Variants in U2SURP observed in about 807,000 individuals in gnomAD.
U2SURP encodes U2 snRNP-associated SURP motif-containing protein.
A neutral mutation model predicts 144.9 loss-of-function variants in U2SURP; 9 were observed. The ratio of observed to expected loss-of-function variants is 0.06; its 90% CI spans 0.04 to 0.11. The LOEUF (loss-of-function observed/expected upper bound fraction) is 0.11. Among genes scored for constraint, U2SURP ranks in the 10% least tolerant of loss-of-function variants. The probability of loss-of-function intolerance (pLI) is 1.00; values close to 1 mark genes in which losing one functional copy is unlikely to be tolerated. For missense variants in U2SURP, 724 were observed against 1,226.7 expected, an observed-to-expected ratio of 0.59 and a Z score of 6.12; for synonymous variants, 408 against 396.8, an observed-to-expected ratio of 1.03 and a Z score of -0.33.
intron 1 of U2SURP, among the ~76,000 whole-genome samples, chr3:143,008,117 C>T (rs1342767012): frequency 6.6e-6 from 1 of 152,194 alleles, no homozygotes; most frequent in Non-Finnish European, 1.5e-5. Context: ...GCTCTGTTTG[C>T]AAATTTATCA....
intron 23 of U2SURP, among the ~76,000 whole-genome samples, chr3:143,041,146 G>A (rs1934081709): frequency 1.3e-5 from 2 of 151,776 alleles, no homozygotes; most frequent in Admixed American, 1.3e-4. Context: ...CATAGTAACT[G>A]TGACTCAGTT....
At chr3:143,011,006 T>A in intron 2 of U2SURP, 147 bp downstream of exon 2, 1 of 464,612 alleles carries the variant, frequency 2.2e-6, no homozygotes, top group South Asian at 4.0e-5. Flanking sequence ...GCGCCTTCCT[T>A]TTTTTTTTTT....
In U2SURP at chr3:143,032,956, TGAA is replaced by T. The variant is rs765364983; in HGVS notation, c.1773+11_1773+13del. On this transcript the variant is annotated intron_variant, in intron 17 of 27. Transcript: ENST00000473835. ...ACCCCTTCCTAAAAAGGTATGGGAA[TGAA>T]TTTTAAGAAAAGGGGAGATAGTTGA... The T allele has an allele frequency of 4.9e-5, 78 of 1,604,668 alleles. 1 individual carries two copies. The highest frequency in any genetic ancestry group is 6.4e-5 in the Non-Finnish European group (75 of 1,176,574).
intron 1 of U2SURP, 123 bp downstream of exon 1, chr3:143,001,796 C>T: frequency 8.0e-7 from 1 of 1,245,632 alleles, no homozygotes. Context: ...GACGGTAGGC[C>T]CGGGCGCCGC....
intron 2 of U2SURP, 153 bp from the exon 3 acceptor site, chr3:143,012,069 T>C: frequency 1.0e-6 from 1 of 1,000,224 alleles, no homozygotes; most frequent in Non-Finnish European, 1.5e-6. Context: ...AAGAACTTTT[T>C]TGGTGAAATC....
At position 143,009,186 on chromosome 3, in the gene U2SURP, A is replaced by G. The variant is rs944936363; in HGVS notation, c.46-1629A>G. Reference sequence around the variant, plus strand: ...CAAGATATGTTTCAGGGTGTGTTTCATAGTTAATAAATACTAAAAATTTTC... The same window carrying G: ...CAAGATATGTTTCAGGGTGTGTTTCGTAGTTAATAAATACTAAAAATTTTC... On this transcript the variant is annotated intron_variant, in intron 1 of 27. Coordinates refer to ENST00000473835, the MANE Select transcript of U2SURP (RefSeq NM_001080415.2). Among the ~76,000 whole-genome samples the G allele has an allele frequency of 2.6e-5, 4 of 152,206 alleles. No individual in the cohort carries two copies. The South Asian group carries it at 6.2e-4, about 24-fold the overall frequency.
intron 27 of U2SURP, among the ~76,000 whole-genome samples, chr3:143,055,645 G>A (rs1393455408): frequency 6.6e-6 from 1 of 152,006 alleles, no homozygotes; most frequent in African/African-American, 2.4e-5. Context: ...TTTCCTGAGA[G>A]CTAAAACTGC....
rs139831543 is a variant in U2SURP at position 143,058,667 on chromosome 3, A to G, written c.*2217A>G. 1.3e-5 allele frequency: 2 copies of G among 151,854 alleles called. No homozygotes were observed. Among genetic ancestry groups the G allele is most frequent in the South Asian group, 2.1e-4 (1 of 4,836 alleles). The allele number at this position is 151,854 out of a possible 1,614,324, so 9.4% of individuals were successfully genotyped here. A position where few individuals can be genotyped will look rare whatever the true frequency, so the allele number is the denominator to read the frequency against. On this transcript the variant is annotated 3_prime_UTR_variant, in exon 28 of 28. Transcript: ENST00000473835. ...TAGAGTAAACCTACTTAATACTCCC[A>G]TGGATTCTATGAAAGTTTAATGGGA...
chr3:143,031,107 C>T (rs1933456597), intron 16 of U2SURP, among the ~76,000 whole-genome samples: 1 of 152,104 alleles, frequency 6.6e-6, no homozygotes, highest in Non-Finnish European at 1.5e-5. Flanking sequence ...CATGATAAAA[C>T]TTTAATAAAT....
Position 143,053,687 on chromosome 3 carries a change from A to G in U2SURP, c.2667A>G (p.Lys889=), listed in dbSNP as rs1168810682. 4.8e-6 allele frequency: 7 copies of G among 1,449,188 alleles called. No homozygotes were observed. In the Admixed American group the frequency reaches 8.1e-5, roughly 17 times the overall value. 89.8% of individuals were successfully genotyped at this position (1,449,188 alleles called of 1,614,324 possible). Residue 889 remains lysine (K), a synonymous_variant, in exon 26 of 28, where the codon AAA becomes AAG. Coordinates refer to ENST00000473835, the MANE Select transcript of U2SURP (RefSeq NM_001080415.2). The part of the protein sequence containing the change: ...RDKLLQREKE[K]ELERERERDK... ...ATAAAAAATAACAGGAGAAAGAGAA[A>G]GAGTTAGAAAGAGAACGAGAAAGAG...
At position 143,021,554 on chromosome 3, in the gene U2SURP, A is replaced by T; in HGVS notation, c.851A>T (p.Gln284Leu). 6.2e-7 allele frequency: 1 copy of T among 1,610,830 alleles called. No individual in the cohort carries two copies. The highest frequency in any genetic ancestry group is 8.5e-7 in the Non-Finnish European group (1 of 1,177,776). ...TNLYLGNINP[Q>L]MNEEMLCQEF... ...TTATACCTTGGAAACATTAATCCAC[A>T]GGTAATATTAAGTAAGATGAATGTT... is the stretch of plus-strand genomic sequence containing the variant. Residue 284 changes from glutamine (Q) to leucine (L), a missense_variant and splice_region_variant, in exon 10 of 28, where the codon CAG becomes CTG. Gln to Leu is a moderately radical substitution (Grantham distance 113, BLOSUM62 -2). Transcript: ENST00000473835.
In U2SURP at chr3:143,059,465, A is replaced by C. The variant is rs1380105597; in HGVS notation, c.*3015A>C. The C allele has an allele frequency of 1.3e-5, 2 of 151,896 alleles. No homozygotes were observed. The highest frequency in any genetic ancestry group is 2.4e-5 in the African/African-American group (1 of 41,418). The allele number at this position is 151,896 out of a possible 1,614,324, so 9.4% of individuals were successfully genotyped here. ...TTTTGAGAAATTTTAACTGTGATTA[A>C]ATTTAGGTTTATTAGAAATATTCTG... is the stretch of plus-strand genomic sequence containing the variant. On this transcript the variant is annotated 3_prime_UTR_variant, in exon 28 of 28. Coordinates refer to ENST00000473835, the MANE Select transcript of U2SURP (RefSeq NM_001080415.2).
chr3:143,016,988 T>TA lies in U2SURP; in HGVS notation c.570+15dup, dbSNP rs1193861764. 4.5e-6 allele frequency: 7 copies of TA among 1,564,584 alleles called. No homozygotes were observed. The highest frequency in any genetic ancestry group is 1.7e-4 in the Middle Eastern group (1 of 5,860). On this transcript the variant is annotated intron_variant, in intron 6 of 27. Transcript: ENST00000473835. ...AACCAAAAAACCTGTAAGTCATACTTAAGTAATTGACCATTTATGTTCAGA... is the reference window on the plus strand; with the variant it reads ...AACCAAAAAACCTGTAAGTCATACTTAAAGTAATTGACCATTTATGTTCAGA...
intron 5 of U2SURP, among the ~76,000 whole-genome samples, 192 bp downstream of exon 5, chr3:143,016,563 A>G (rs1016083752): frequency 1.3e-5 from 2 of 152,192 alleles, no homozygotes; most frequent in Non-Finnish European, 2.9e-5. Context: ...AGTGTCAATT[A>G]ATGAGATGCT....
In U2SURP at chr3:143,021,457, T is replaced by C. The variant is rs1443512564; in HGVS notation, c.770-16T>C. On this transcript the variant is annotated splice_polypyrimidine_tract_variant and intron_variant, in intron 9 of 27. Transcript: ENST00000473835. Reference sequence around the variant, plus strand: ...ATGTTTTGCAGGTTATAATTCTTTTTTTCTTTCTGCCCTAGTTCTTGATGA... The same window carrying C: ...ATGTTTTGCAGGTTATAATTCTTTTCTTCTTTCTGCCCTAGTTCTTGATGA... The C allele has an allele frequency of 1.2e-6, 2 of 1,613,362 alleles. No individual in the cohort carries two copies. Among genetic ancestry groups the C allele is most frequent in the Non-Finnish European group, 1.7e-6 (2 of 1,179,696 alleles).
intron 2 of U2SURP, 174 bp from the exon 3 acceptor site, chr3:143,012,048 T>G (rs1936140205): frequency 2.5e-6 from 2 of 798,636 alleles, no homozygotes; most frequent in Non-Finnish European, 4.2e-6. Flanking sequence ...TTGAAAACTT[T>G]CCCTGTTCTT....
rs569106866 is a variant in U2SURP, at chr3:143,042,975, T to G, written c.2385-142T>G. The G allele has an allele frequency of 3.1e-5, 23 of 730,586 alleles. No homozygotes were observed. In the African/African-American group the frequency reaches 3.5e-4, roughly 11 times the overall value. 45.3% of individuals were successfully genotyped at this position (730,586 alleles called of 1,614,324 possible). ...AATATTGATAAAATATTTTGCAAAATATGCTTGAGGTATGAATTGTCCTAT... is the reference window on the plus strand; with the variant it reads ...AATATTGATAAAATATTTTGCAAAAGATGCTTGAGGTATGAATTGTCCTAT... On this transcript the variant is annotated intron_variant, in intron 23 of 27. Transcript: ENST00000473835.
intron 1 of U2SURP, chr3:143,002,287 A>C (rs1255119567): frequency 6.6e-6 from 1 of 152,432 alleles, no homozygotes; most frequent in Non-Finnish European, 1.5e-5. Context: ...AGTAAAAAGC[A>C]CTTTTGAGGG....
chr3:143,038,232 A>C (rs1292397920), intron 22 of U2SURP, 29 bp downstream of exon 22: 1 of 1,488,680 alleles, frequency 6.7e-7, no homozygotes, highest in Non-Finnish European at 9.1e-7. Flanking sequence ...AATATTTTTT[A>C]AATTAAGTAC....
Sources: allele counts gnomAD v4.1 joint callset (sites outside exome capture counted in the v4.1 genomes callset), GRCh38; gene constraint gnomAD v4.1.1; transcripts MANE v1.5; gene names NCBI Gene and HGNC (gene_info 2026-07-23, HGNC 2026-07-21).